The following PLCXD1 variants were observed in gnomAD, a reference collection of about 807,000 sequenced individuals.
PLCXD1 encodes phosphatidylinositol specific phospholipase C X domain containing 1, also known as PI-PLC X domain-containing protein 1.
Under a neutral mutation model 37.8 loss-of-function variants are expected in PLCXD1, and 45 were observed. The ratio of observed to expected loss-of-function variants is 1.19; its 90% confidence interval spans 0.94 to 1.53. The LOEUF (loss-of-function observed/expected upper bound fraction) is 1.53. Among genes scored for constraint, PLCXD1 ranks in the 40% most tolerant of loss-of-function variants. The pLI, the probability that PLCXD1 is intolerant of heterozygous loss-of-function variation, is 0.00. For synonymous variants in PLCXD1, 246 were observed against 206.9 expected (o/e 1.19, Z -1.62); for missense variants, 539 against 454.7 (o/e 1.19, Z -1.69).
chrX:277,041 C>A (rs1418058567), upstream of PLCXD1, among the ~76,000 whole-genome samples: 1 of 152,164 alleles, frequency 6.6e-6, no homozygotes, highest in Non-Finnish European at 1.5e-5. Flanking sequence ...GTGGAGAGGA[C>A]CTCCCCCAGG....
At chrX:282,442 C>T (rs1405324400) in intron 1 of PLCXD1, among the ~76,000 whole-genome samples, 2 of 151,656 alleles carry the variant, frequency 1.3e-5, no homozygotes, top group South Asian at 2.1e-4. Context: ...CCGTGGCTCA[C>T]GCCAGTAATC....
upstream of PLCXD1, among the ~76,000 whole-genome samples, chrX:279,090 T>A (rs1355005599): frequency 5.9e-5 from 9 of 152,172 alleles, no homozygotes; most frequent in East Asian, 1.7e-3. Flanking sequence ...TGGTTATCTA[T>A]TGTCAGCAGA....
upstream of PLCXD1, among the ~76,000 whole-genome samples, chrX:280,358 G>C (rs2069239386): frequency 4.3e-5 from 3 of 69,404 alleles, no homozygotes; most frequent in African/African-American, 6.1e-5. Flanking sequence ...AGGGGGAAGG[G>C]GGGCCGTGCA....
chrX:287,433 A>G (rs1017958497), intron 2 of PLCXD1, among the ~76,000 whole-genome samples: 1 of 140,576 alleles, frequency 7.1e-6, no homozygotes, highest in East Asian at 2.0e-4. Context: ...TTATATATAG[A>G]TATATATACA....
At chrX:286,745 G>A (rs2069460252) in intron 2 of PLCXD1, among the ~76,000 whole-genome samples, 1 of 152,102 alleles carries the variant, frequency 6.6e-6, no homozygotes, top group Admixed American at 6.6e-5. Flanking sequence ...GTTATGGATT[G>A]ATATTATTTT....
At chrX:290,228 C>T (rs887421041) in intron 3 of PLCXD1, among the ~76,000 whole-genome samples, 1 of 151,964 alleles carries the variant, frequency 6.6e-6, no homozygotes, top group Non-Finnish European at 1.5e-5. Context: ...GAGATCGAGA[C>T]CGTCCTGGCT....
rs143083323 is a variant in PLCXD1 at position 291,610 on chromosome X, G to A, written c.505G>A (p.Ala169Thr). 728 of 1,612,962 alleles carry A rather than the reference G, an allele frequency of 4.5e-4. 3 individuals are homozygous for A. In the African/African-American group the frequency reaches 7.8e-3, roughly 17 times the overall value. ...CGAGGACCTGCACGAGTACCTGGTC[G>A]CCTGTATCAAGAACATCTTCGGGGA... ...LSEDLHEYLV[A>T]CIKNIFGDML... Residue 169 changes from alanine to threonine, a missense_variant, in exon 5 of 7, where the codon GCC becomes ACC. Coordinates refer to ENST00000381657, the MANE Select transcript of PLCXD1 (RefSeq NM_018390.4).
chrX:287,042 G>A (rs2069468847), intron 2 of PLCXD1, among the ~76,000 whole-genome samples: 1 of 152,026 alleles, frequency 6.6e-6, no homozygotes, highest in Non-Finnish European at 1.5e-5. Context: ...AAAGGGGGAA[G>A]GCCGGGCGTG....
rs759166327 is a variant in PLCXD1, at chrX:293,063, C to G, written c.578C>G (p.Ser193Cys). Residue 193 changes from serine (S) to cysteine (C), a missense_variant, in exon 6 of 7, where the codon TCC (serine) becomes TGC (cysteine). Physicochemically the swap from Ser to Cys is moderately radical, Grantham distance 112. Transcript: ENST00000381657. ...GTGCCGACACTGCGGCAGCTGTGGT[C>G]CCGGGGCCAACAGGTCATCGTCTCC... ...GEVPTLRQLWSRGQQVIVSYE... is the reference protein window; with the variant it reads ...GEVPTLRQLWCRGQQVIVSYE... 3 of 1,610,538 alleles carry G rather than the reference C, an allele frequency of 1.9e-6. No homozygotes were observed. The highest frequency in any genetic ancestry group is 3.3e-5 in the Admixed American group (2 of 59,954).
At chrX:283,143 AAAG>A (rs2069329396) in intron 1 of PLCXD1, 1 of 149,532 alleles carries the variant, frequency 6.7e-6, no homozygotes, top group South Asian at 2.1e-4. Flanking sequence ...GTTTAATAGG[AAAG>A]AAGGGAGGTC....
At chrX:284,781 C>G (rs1438832423) in intron 2 of PLCXD1, among the ~76,000 whole-genome samples, 2 of 150,098 alleles carry the variant, frequency 1.3e-5, no homozygotes, top group African/African-American at 2.5e-5. Flanking sequence ...GGACTCAGTT[C>G]CACCTGGCTG....
chrX:295,353 G>A lies in PLCXD1; in HGVS notation c.733+2135G>A, dbSNP rs775875614. 3.7e-4 allele frequency among the ~76,000 whole-genome samples: 56 copies of A among 152,070 alleles called. No individual in the cohort carries two copies. The South Asian group carries it at 5.6e-3, about 15-fold the overall frequency. On this transcript the variant is annotated intron_variant, in intron 6 of 6. Coordinates refer to ENST00000381657, the MANE Select transcript of PLCXD1 (RefSeq NM_018390.4). ...CGCGGGGACGGTGGCAGGTGGGGCC[G>A]TCTCGGTCCTGCAGCCTGCGGCTGG...
rs1169365764 is a variant in PLCXD1, at chrX:290,584, C to G, written c.265-64C>G. ...ATGCGGGTGGGCCAACCCCACAGCC[C>G]ATTCCTGAGCCCCCCAGACGCGGCG... is the stretch of plus-strand genomic sequence containing the variant. On this transcript the variant is annotated intron_variant, in intron 3 of 6. Coordinates refer to ENST00000381657, the MANE Select transcript of PLCXD1 (RefSeq NM_018390.4). 2.5e-6 allele frequency: 4 copies of G among 1,592,362 alleles called. No homozygotes were observed. The South Asian group carries it at 3.4e-5, about 13-fold the overall frequency.
At chrX:283,789 T>TG (rs2069357495) in intron 1 of PLCXD1, 1 of 178,130 alleles carries the variant, frequency 5.6e-6, no homozygotes, top group African/African-American at 2.4e-5. Context: ...AAGCCGGGTC[T>TG]AAGAGCCAGG....
chrX:294,907 G>C (rs767478700), intron 6 of PLCXD1, among the ~76,000 whole-genome samples: 1 of 152,180 alleles, frequency 6.6e-6, no homozygotes, highest in South Asian at 2.1e-4. Context: ...TCGGTGCAGT[G>C]GCTCACGCCT....
chrX:299,475 G>C lies in PLCXD1; in HGVS notation c.*140G>C, dbSNP rs1228269728. 1 of 718,028 alleles carries C rather than the reference G, an allele frequency of 1.4e-6. No individual in the cohort carries two copies. Among genetic ancestry groups the C allele is most frequent in the African/African-American group, 1.8e-5 (1 of 57,002 alleles). 44.5% of individuals were successfully genotyped at this position (718,028 alleles called of 1,614,324 possible). ...TTTCATTTTCTTTAAAATAGAGATG[G>C]GGTGGCTGGGCGTGGTGACTTCGCC... On this transcript the variant is annotated 3_prime_UTR_variant, in exon 7 of 7. Transcript: ENST00000381657.
intron 4 of PLCXD1, among the ~76,000 whole-genome samples, chrX:291,118 G>A (rs773040527): frequency 9.2e-5 from 14 of 151,686 alleles, no homozygotes; most frequent in African/African-American, 2.9e-4. Flanking sequence ...CACTGACCCC[G>A]CCAATCCGTT....
In PLCXD1 at chrX:299,303, A is replaced by G; in HGVS notation, c.940A>G (p.Ile314Val). Residue 314 changes from isoleucine to valine, a missense_variant, in exon 7 of 7, where the codon ATC becomes GTC. Transcript: ENST00000381657. ...CGCAGACGGCTTCGTCAGTGACGTCATCGCGCTCAATCAGAAGCTGCTGTG... is the reference window on the plus strand; with the variant it reads ...CGCAGACGGCTTCGTCAGTGACGTCGTCGCGCTCAATCAGAAGCTGCTGTG... ...IGADGFVSDV[I>V]ALNQKLLWC 6.2e-7 allele frequency: 1 copy of G among 1,613,748 alleles called. No homozygotes were observed. The highest frequency in any genetic ancestry group is 8.5e-7 in the Non-Finnish European group (1 of 1,179,688).
intron 2 of PLCXD1, among the ~76,000 whole-genome samples, chrX:286,024 T>C (rs1168016905): frequency 6.6e-6 from 1 of 152,000 alleles, no homozygotes; most frequent in Non-Finnish European, 1.5e-5. Context: ...TTCCTTGCAA[T>C]GTAGGGAATG....
Sources: allele counts gnomAD v4.1 joint callset (sites outside exome capture counted in the v4.1 genomes callset), GRCh38; gene constraint gnomAD v4.1.1; transcripts MANE v1.5; gene names NCBI Gene and HGNC (gene_info 2026-07-23, HGNC 2026-07-21).